The following SNAP91 variants were observed in gnomAD, a reference collection of about 807,000 sequenced individuals.
The protein encoded by SNAP91 is clathrin coat assembly protein AP180.
In SNAP91, 27 loss-of-function variants were observed where a neutral mutation model predicts 100.3. That is an observed-to-expected ratio of 0.27 (90% CI 0.20 to 0.37). The LOEUF is 0.37. Ranked by LOEUF, SNAP91 falls within the 10% of genes least tolerant of loss-of-function variation. The probability of loss-of-function intolerance (pLI) is 1.00; values close to 1 mark genes in which losing one functional copy is unlikely to be tolerated. For missense variants in SNAP91, 986 were observed against 1,123.7 expected (o/e 0.88, Z 1.75); for synonymous variants, 404 against 398.6 (o/e 1.01, Z -0.16).
chr6:83,636,609 G>A (rs2097459319), intron 8 of SNAP91, among the ~76,000 whole-genome samples: 1 of 151,998 alleles, frequency 6.6e-6, no homozygotes, highest in Non-Finnish European at 1.5e-5. Flanking sequence ...ATTTCTCTTG[G>A]ATCTTATTGA....
chr6:83,620,790 T>C lies in SNAP91; in HGVS notation c.807+2511A>G, dbSNP rs527607367. 9.1e-4 allele frequency among the ~76,000 whole-genome samples: 138 copies of C among 152,016 alleles called. 2 individuals are homozygous for C. The highest frequency in any genetic ancestry group is 3.4e-3 in the Middle Eastern group (1 of 292). On this transcript the variant is annotated intron_variant, in intron 9 of 29. Coordinates refer to ENST00000369694, the MANE Select transcript of SNAP91 (RefSeq NM_001242792.2). ...ACAGTGGCGCGATCTCGGCTCACTG[T>C]AAGCTCCACCTCCCGGGTTCACGCC...
intron 28 of SNAP91, among the ~76,000 whole-genome samples, chr6:83,559,815 A>G (rs1292220382): frequency 1.3e-5 from 2 of 152,144 alleles, no homozygotes; most frequent in East Asian, 1.9e-4. Flanking sequence ...AGAAGCATTC[A>G]TTTCTCTGGG....
chr6:83,612,834 C>T (rs1015923313), intron 11 of SNAP91, among the ~76,000 whole-genome samples: 9 of 145,190 alleles, frequency 6.2e-5, no homozygotes, highest in African/African-American at 1.5e-4. Context: ...GAGGTTGCAG[C>T]GAGCCGAGAT....
At chr6:83,685,048 T>G (rs1226345328) in intron 2 of SNAP91, among the ~76,000 whole-genome samples, 2 of 152,178 alleles carry the variant, frequency 1.3e-5, no homozygotes, top group Non-Finnish European at 2.9e-5. Context: ...GGATCTAAGT[T>G]CCTGTTAGAA....
At chr6:83,572,315 C>T (rs927696656) in intron 26 of SNAP91, among the ~76,000 whole-genome samples, 3 of 152,130 alleles carry the variant, frequency 2.0e-5, no homozygotes, top group Admixed American at 6.6e-5. Flanking sequence ...AGCACAATCT[C>T]GGCTCACTGC....
chr6:83,614,353 T>C (rs1267367510), intron 11 of SNAP91, among the ~76,000 whole-genome samples: 3 of 151,428 alleles, frequency 2.0e-5, no homozygotes, highest in Non-Finnish European at 4.4e-5. Context: ...TAAACAGCAG[T>C]GGACACAAGG....
intron 26 of SNAP91, among the ~76,000 whole-genome samples, chr6:83,566,214 T>C (rs1055737923): frequency 1.3e-5 from 2 of 152,192 alleles, no homozygotes; most frequent in South Asian, 4.1e-4. Flanking sequence ...TAAGGGGAAA[T>C]TGAAAGGGAC....
At chr6:83,692,265 A>C (rs2099140690) in intron 2 of SNAP91, among the ~76,000 whole-genome samples, 1 of 152,210 alleles carries the variant, frequency 6.6e-6, no homozygotes, top group South Asian at 2.1e-4. Flanking sequence ...CTGTAATGCT[A>C]GGACTTTGGG....
At chr6:83,588,793 A>G (rs1253998539) in intron 22 of SNAP91, among the ~76,000 whole-genome samples, 1 of 152,130 alleles carries the variant, frequency 6.6e-6, no homozygotes, top group African/African-American at 2.4e-5. Context: ...GAAACACAAT[A>G]TCTCAGGTTC....
intron 11 of SNAP91, among the ~76,000 whole-genome samples, chr6:83,611,212 C>T (rs565608231): frequency 6.6e-6 from 1 of 152,020 alleles, no homozygotes; most frequent in Non-Finnish European, 1.5e-5. Flanking sequence ...TTTCCCCCCC[C>T]ATGGCTGTAA....
At chr6:83,610,219 T>C (rs1471260548) in intron 12 of SNAP91, among the ~76,000 whole-genome samples, 1 of 152,080 alleles carries the variant, frequency 6.6e-6, no homozygotes, top group East Asian at 1.9e-4. Flanking sequence ...TATCTACTGA[T>C]GGATGAATGC....
intron 2 of SNAP91, among the ~76,000 whole-genome samples, chr6:83,684,006 T>A (rs192760810): frequency 1.2e-4 from 18 of 152,330 alleles, no homozygotes; most frequent in Non-Finnish European, 1.8e-4. Flanking sequence ...ACTATCACAA[T>A]TGCCTCATAC....
At chr6:83,707,539 G>A (rs1344306042) in intron 2 of SNAP91, among the ~76,000 whole-genome samples, 1 of 83,318 alleles carries the variant, frequency 1.2e-5, no homozygotes, top group Non-Finnish European at 2.5e-5. Context: ...ACATATGCGT[G>A]TGTGTGTGTG....
intron 16 of SNAP91, 59 bp from the exon 17 acceptor site, chr6:83,594,540 G>A (rs2094232874): frequency 3.8e-6 from 4 of 1,044,200 alleles, no homozygotes; most frequent in Admixed American, 6.8e-5. Context: ...AGAAAATACA[G>A]TAAAAGAACC....
chr6:83,556,755 G>A (rs972939054), intron 28 of SNAP91, among the ~76,000 whole-genome samples: 12 of 152,120 alleles, frequency 7.9e-5, no homozygotes, highest in African/African-American at 2.9e-4. Flanking sequence ...TATTTAAATG[G>A]CTTTTCCTGT....
intron 7 of SNAP91, among the ~76,000 whole-genome samples, chr6:83,656,458 C>T (rs185972015): frequency 8.1e-4 from 124 of 152,246 alleles, no homozygotes; most frequent in Non-Finnish European, 3.7e-4. Context: ...CATCATAACA[C>T]GATAGGCCAG....
At chr6:83,629,761 CTT>C (rs1306363356) in intron 8 of SNAP91, among the ~76,000 whole-genome samples, 1 of 151,944 alleles carries the variant, frequency 6.6e-6, no homozygotes, top group African/African-American at 2.4e-5. Flanking sequence ...CTGGAGGAGT[CTT>C]TAGGGTTTTT....
In SNAP91 at chr6:83,559,364, T is replaced by C. The variant is rs76395509; in HGVS notation, c.2631+740A>G. 5.5e-3 allele frequency among the ~76,000 whole-genome samples: 841 copies of C among 152,286 alleles called. 8 individuals carry two copies. Among genetic ancestry groups the C allele is most frequent in the African/African-American group, 0.019 (781 of 41,562 alleles). On this transcript the variant is annotated intron_variant, in intron 28 of 29. Coordinates refer to ENST00000369694, the MANE Select transcript of SNAP91 (RefSeq NM_001242792.2). ...AGGTGAGCTTGCGATACTGCATGTG[T>C]ACTGTCACATGATGATGTCCACAGG...
intron 2 of SNAP91, among the ~76,000 whole-genome samples, chr6:83,673,410 C>A (rs749652539): frequency 2.6e-5 from 4 of 152,174 alleles, no homozygotes; most frequent in African/African-American, 9.6e-5. Flanking sequence ...ACAGAAGAGA[C>A]CCCTCACCAA....
Sources: gnomAD v4.1 joint callset for allele counts (sites outside exome capture counted in the v4.1 genomes callset) on GRCh38, gnomAD v4.1.1 for gene constraint, MANE v1.5 for transcripts, NCBI Gene and HGNC (gene_info 2026-07-23, HGNC 2026-07-21) for gene names.